The following DAB1 variants were observed in gnomAD, a reference collection of about 807,000 sequenced individuals.
The protein encoded by DAB1 is disabled homolog 1.
DAB1 carries 15 observed loss-of-function variants against 64.6 expected under a neutral mutation model. The ratio of observed to expected loss-of-function variants is 0.23; its 90% CI spans 0.16 to 0.36. The LOEUF is 0.36. Ranked by LOEUF, DAB1 falls within the 10% of genes least tolerant of loss-of-function variation. The pLI, the probability that DAB1 is intolerant of heterozygous loss-of-function variation, is 1.00. For synonymous variants in DAB1, 235 were observed against 251.9 expected (o/e 0.93, Z 0.64); for missense variants, 596 against 706.7 (o/e 0.84, Z 1.78).
At chr1:58,444,890 T>C (rs1409428825) in intron 3 of DAB1, among the ~76,000 whole-genome samples, 1 of 152,342 alleles carries the variant, frequency 6.6e-6, no homozygotes, top group Non-Finnish European at 1.5e-5. Flanking sequence ...ATCTTATGTA[T>C]ACATTATATA....
intron 1 of DAB1, among the ~76,000 whole-genome samples, chr1:57,395,408 C>T (rs575553619): frequency 6.6e-6 from 1 of 152,216 alleles, no homozygotes; most frequent in Admixed American, 6.5e-5. Context: ...CAAGCCTTAC[C>T]CTAATAAACT....
At chr1:58,317,820 C>A (rs183409608) in intron 4 of DAB1, among the ~76,000 whole-genome samples, 1 of 152,312 alleles carries the variant, frequency 6.6e-6, no homozygotes, top group South Asian at 2.1e-4. Flanking sequence ...GCTAAATCTG[C>A]GGTACTTTGT....
At chr1:57,894,646 GAAA>G (rs1167895194) in intron 5 of DAB1, among the ~76,000 whole-genome samples, 2 of 151,798 alleles carry the variant, frequency 1.3e-5, no homozygotes, top group African/African-American at 2.4e-5. Context: ...AGTGCAATGG[GAAA>G]AAAAACTCGA....
chr1:58,302,305 A>G (rs12125333), intron 4 of DAB1, among the ~76,000 whole-genome samples: 46,630 of 151,956 alleles, frequency 0.31, 8,955 homozygotes, highest in Non-Finnish European at 0.44. Flanking sequence ...TGGCCATTAA[A>G]TGTCAATGAG....
chr1:57,896,133 G>C (rs1376833213), intron 5 of DAB1, among the ~76,000 whole-genome samples: 2 of 152,124 alleles, frequency 1.3e-5, no homozygotes, highest in Non-Finnish European at 2.9e-5. Flanking sequence ...TGATGCCCCT[G>C]TTTTACAACC....
chr1:57,066,620 A>G (rs1035808963), intron 8 of DAB1, among the ~76,000 whole-genome samples: 17 of 152,224 alleles, frequency 1.1e-4, no homozygotes, highest in African/African-American at 4.1e-4. Context: ...CTCCAACAAC[A>G]TGTGGTGAGC....
chr1:57,746,214 G>T (rs952584026), intron 6 of DAB1, among the ~76,000 whole-genome samples: 2 of 152,050 alleles, frequency 1.3e-5, no homozygotes, highest in African/African-American at 4.8e-5. Context: ...AGTATAAATA[G>T]GTATATATCT....
At chr1:58,462,378 G>A (rs1027944076) in intron 3 of DAB1, among the ~76,000 whole-genome samples, 2 of 151,938 alleles carry the variant, frequency 1.3e-5, no homozygotes, top group Admixed American at 6.6e-5. Context: ...CACCCGCCTC[G>A]GCCTCCCAAA....
chr1:57,555,598 T>G (rs1644979162), intron 7 of DAB1, among the ~76,000 whole-genome samples: 1 of 152,172 alleles, frequency 6.6e-6, no homozygotes, highest in African/African-American at 2.4e-5. Context: ...ATCATTCAGG[T>G]GCTGTGCTCA....
chr1:58,059,259 G>T (rs1648338572), intron 5 of DAB1, among the ~76,000 whole-genome samples: 1 of 152,192 alleles, frequency 6.6e-6, no homozygotes. Flanking sequence ...AGCCTGAGTT[G>T]AATCCATCTC....
intron 1 of DAB1, among the ~76,000 whole-genome samples, chr1:57,345,307 G>A (rs1008991866): frequency 6.6e-6 from 1 of 152,136 alleles, no homozygotes; most frequent in Non-Finnish European, 1.5e-5. Context: ...GCACACCATG[G>A]GTGAATGGTT....
At position 57,909,285 on chromosome 1, in the gene DAB1, T is replaced by C. The variant is rs989377355; in HGVS notation, n.388-25123A>G. ...AGCGAGGAATCATTTTAATGATCTT[T>C]AAGGTTTCTCCTAGCATGCCCATTC... On this transcript the variant is annotated intron_variant and non_coding_transcript_variant, in intron 5 of 20. Coordinates refer to the DAB1 transcript ENST00000485760. Among the ~76,000 whole-genome samples the C allele has an allele frequency of 2.0e-5, 3 of 152,208 alleles. No homozygotes were observed. In the East Asian group the frequency reaches 5.8e-4, roughly 29 times the overall value.
At chr1:57,774,590 A>G (rs2101834495) in intron 6 of DAB1, among the ~76,000 whole-genome samples, 1 of 151,852 alleles carries the variant, frequency 6.6e-6, no homozygotes, top group African/African-American at 2.4e-5. Context: ...TTCTCTTCCT[A>G]GTTTGCTGAA....
At chr1:57,422,095 A>G (rs1372963121) in intron 1 of DAB1, among the ~76,000 whole-genome samples, 2 of 152,224 alleles carry the variant, frequency 1.3e-5, no homozygotes, top group South Asian at 2.1e-4. Flanking sequence ...TAATTGGCAC[A>G]TAAATGTACC....
chr1:57,060,082 G>C lies in DAB1; in HGVS notation c.723+2802C>G, dbSNP rs555197414. Among the ~76,000 whole-genome samples the C allele has an allele frequency of 7.4e-5, 11 of 148,896 alleles. 1 individual carries two copies. The South Asian group carries it at 1.9e-3, about 26-fold the overall frequency. On this transcript the variant is annotated intron_variant, in intron 9 of 14. Coordinates refer to ENST00000371236, the MANE Select transcript of DAB1 (RefSeq NM_001365792.1). ...ATGGGGACTTTCTTAATTCTACCAG[G>C]GATTTTCACAAATTCCTTCTACAGA...
At chr1:57,610,701 A>AG (rs1299766765) in intron 7 of DAB1, among the ~76,000 whole-genome samples, 2 of 152,302 alleles carry the variant, frequency 1.3e-5, no homozygotes, top group Admixed American at 6.5e-5. Context: ...AATGCCAGCA[A>AG]GGGAAATGCC....
chr1:57,063,003 A>G, intron 8 of DAB1, 60 bp from the exon 9 acceptor site: 1 of 1,494,746 alleles, frequency 6.7e-7, no homozygotes. Context: ...TTCAAAGAAC[A>G]AAGCAACCAG....
At chr1:58,334,672 G>A (rs529185566) in intron 4 of DAB1, among the ~76,000 whole-genome samples, 5 of 145,880 alleles carry the variant, frequency 3.4e-5, no homozygotes, top group East Asian at 4.0e-4. Flanking sequence ...ATATTATATT[G>A]TATTATATAG....
chr1:57,483,604 G>A (rs1361600435), intron 7 of DAB1, among the ~76,000 whole-genome samples: 1 of 151,950 alleles, frequency 6.6e-6, no homozygotes, highest in African/African-American at 2.4e-5. Flanking sequence ...TTTTTTTGTT[G>A]TTGTTTTTCT....
Sources: allele counts gnomAD v4.1 joint callset (sites outside exome capture counted in the v4.1 genomes callset), GRCh38; gene constraint gnomAD v4.1.1; transcripts MANE v1.5; gene names NCBI Gene and HGNC (gene_info 2026-07-23, HGNC 2026-07-21).